CPNE8: variants seen among roughly 807,000 people sequenced by gnomAD.
CPNE8 encodes copine-8.
A neutral mutation model predicts 81.5 loss-of-function variants in CPNE8; 45 were observed. That is an observed-to-expected ratio of 0.55 (90% CI 0.44 to 0.71). CPNE8 has a LOEUF of 0.71. Ranked by LOEUF, CPNE8 falls within the 30% of genes least tolerant of loss-of-function variation. The pLI is 0.00. For missense variants in CPNE8, 594 were observed against 672.1 expected, an observed-to-expected ratio of 0.88 and a Z score of 1.28; for synonymous variants, 252 against 226.3, an observed-to-expected ratio of 1.11 and a Z score of -1.02.
At chr12:38,765,435 CATGAGT>C (rs556872151) in intron 8 of CPNE8, among the ~76,000 whole-genome samples, 29 of 152,196 alleles carry the variant, frequency 1.9e-4, no homozygotes, top group Non-Finnish European at 3.8e-4. Flanking sequence ...AAAGCAAGAA[CATGAGT>C]ATAAGATCAT....
intron 10 of CPNE8, among the ~76,000 whole-genome samples, chr12:38,740,086 G>T (rs1381380716): frequency 1.3e-5 from 2 of 152,160 alleles, no homozygotes; most frequent in East Asian, 3.8e-4. Context: ...ATCCCACTGT[G>T]AATTCATTTT....
Position 38,795,561 on chromosome 12 carries a change from C to T in CPNE8, c.408-19260G>A, listed in dbSNP as rs191297389. Among the ~76,000 whole-genome samples the T allele has an allele frequency of 7.0e-4, 106 of 152,066 alleles. 4 individuals carry two copies. The East Asian group carries it at 7.5e-3, about 11-fold the overall frequency. The stretch of plus-strand genomic sequence containing the variant: ...CGCAGTCTTTAAAAAGGCAGAAATC[C>T]CATAACATACTACAAGAATGAATCT... On this transcript the variant is annotated intron_variant, in intron 6 of 19. Transcript: ENST00000331366.
chr12:38,806,754 G>A (rs1300030188), intron 6 of CPNE8, among the ~76,000 whole-genome samples: 2 of 145,744 alleles, frequency 1.4e-5, no homozygotes, highest in African/African-American at 2.5e-5. Flanking sequence ...TCTGGCCAGG[G>A]CAATTAGGCA....
At chr12:38,694,701 A>G (rs564866539) in intron 14 of CPNE8, among the ~76,000 whole-genome samples, 1 of 152,218 alleles carries the variant, frequency 6.6e-6, no homozygotes, top group Admixed American at 6.5e-5. Context: ...ATTCACAACA[A>G]GTTGCCCTAA....
rs561363093 is a variant in CPNE8 at position 38,677,347 on chromosome 12, G to C, written c.1374+105C>G. 38 of 671,812 alleles carry C rather than the reference G, an allele frequency of 5.7e-5. No individual in the cohort carries two copies. In the South Asian group the frequency reaches 6.1e-4, roughly 11 times the overall value. 41.6% of individuals were successfully genotyped at this position (671,812 alleles called of 1,614,324 possible). A position where few individuals can be genotyped will look rare whatever the true frequency, so the allele number is the denominator to read the frequency against. On this transcript the variant is annotated intron_variant, in intron 17 of 19. Transcript: ENST00000331366. Reference sequence around the variant, plus strand: ...GTTAAGGATGCAATCTGCTGCAAAGGTGTGGTGATTTTATTTTATTGTTAA... The same window carrying C: ...GTTAAGGATGCAATCTGCTGCAAAGCTGTGGTGATTTTATTTTATTGTTAA...
At chr12:38,713,503 A>T (rs1417405454) in intron 13 of CPNE8, among the ~76,000 whole-genome samples, 1 of 152,184 alleles carries the variant, frequency 6.6e-6, no homozygotes, top group Non-Finnish European at 1.5e-5. Context: ...GGAGAGAGTA[A>T]GATCGCAAAT....
intron 3 of CPNE8, among the ~76,000 whole-genome samples, chr12:38,865,263 C>T (rs1397659031): frequency 6.6e-6 from 1 of 152,150 alleles, no homozygotes; most frequent in African/African-American, 2.4e-5. Flanking sequence ...ATGCATTCCC[C>T]CTATGGCTCA....
At chr12:38,680,853 C>T (rs1176189023) in intron 16 of CPNE8, among the ~76,000 whole-genome samples, 3 of 151,368 alleles carry the variant, frequency 2.0e-5, no homozygotes, top group East Asian at 1.9e-4. Context: ...AAGTTATTTC[C>T]TAAAAAATGA....
At chr12:38,828,849 C>T (rs1943240435) in intron 6 of CPNE8, among the ~76,000 whole-genome samples, 1 of 152,134 alleles carries the variant, frequency 6.6e-6, no homozygotes, top group Non-Finnish European at 1.5e-5. Context: ...ACAGAATCAA[C>T]TCATGCAATT....
chr12:38,763,506 G>C (rs1467032058), intron 8 of CPNE8, among the ~76,000 whole-genome samples: 2 of 152,138 alleles, frequency 1.3e-5, no homozygotes, highest in Non-Finnish European at 2.9e-5. Flanking sequence ...TTAGTGTGTG[G>C]GTTCTTTCTT....
At chr12:38,788,729 C>T (rs971686498) in intron 6 of CPNE8, among the ~76,000 whole-genome samples, 3 of 151,198 alleles carry the variant, frequency 2.0e-5, no homozygotes, top group East Asian at 1.9e-4. Context: ...AGATGCCACA[C>T]AAAAAAACTA....
intron 6 of CPNE8, among the ~76,000 whole-genome samples, chr12:38,809,926 A>G (rs1317631471): frequency 1.3e-5 from 2 of 152,184 alleles, no homozygotes; most frequent in Non-Finnish European, 2.9e-5. Flanking sequence ...ACAGGGAGGA[A>G]ATAAAAGGTA....
In CPNE8 at chr12:38,805,802, C is replaced by A. The variant is rs1406064680; in HGVS notation, c.407+23577G>T. ...AGACACAAAAAACCCTTCCAAAAAT[C>A]AATGAATCCAGGAGCTGGTTTTTTG... is the stretch of plus-strand genomic sequence containing the variant. On this transcript the variant is annotated intron_variant, in intron 6 of 19. Transcript: ENST00000331366. 1.0e-4 allele frequency among the ~76,000 whole-genome samples: 15 copies of A among 148,602 alleles called. 1 individual carries two copies. The highest frequency in any genetic ancestry group is 1.8e-4 in the Non-Finnish European group (12 of 66,944).
At chr12:38,753,311 G>T (rs1447832879) in intron 10 of CPNE8, among the ~76,000 whole-genome samples, 1 of 152,064 alleles carries the variant, frequency 6.6e-6, no homozygotes, top group Non-Finnish European at 1.5e-5. Flanking sequence ...AATTAGCCAG[G>T]CATGGTGGTA....
At chr12:38,799,614 C>T (rs1005505633) in intron 6 of CPNE8, among the ~76,000 whole-genome samples, 2 of 152,148 alleles carry the variant, frequency 1.3e-5, no homozygotes, top group South Asian at 2.1e-4. Flanking sequence ...AAAACTGACA[C>T]CCTAACATCA....
chr12:38,768,349 G>A (rs1352399178), intron 7 of CPNE8, among the ~76,000 whole-genome samples: 4 of 151,832 alleles, frequency 2.6e-5, no homozygotes, highest in African/African-American at 7.3e-5. Flanking sequence ...ATGTCAAATC[G>A]ATCATTTAAA....
At chr12:38,704,836 A>ATATATATATATATATATGTG (rs1940059575) in intron 13 of CPNE8, among the ~76,000 whole-genome samples, 3 of 43,646 alleles carry the variant, frequency 6.9e-5, no homozygotes, top group Non-Finnish European at 5.8e-5. Context: ...GTATATATAT[A>ATATATATATATATATATGTG]TATATATATA....
intron 13 of CPNE8, among the ~76,000 whole-genome samples, chr12:38,710,534 T>C (rs1940229423): frequency 6.6e-6 from 1 of 152,182 alleles, no homozygotes; most frequent in Non-Finnish European, 1.5e-5. Context: ...GACTTCTAAA[T>C]GTTAGAAATA....
chr12:38,688,456 TTAA>T (rs1476663533), intron 15 of CPNE8, among the ~76,000 whole-genome samples: 2 of 152,218 alleles, frequency 1.3e-5, no homozygotes, highest in African/African-American at 4.8e-5. Flanking sequence ...GATTTTCTTC[TTAA>T]TAAGAAAGTT....
Sources: allele counts gnomAD v4.1 joint callset (sites outside exome capture counted in the v4.1 genomes callset), GRCh38; gene constraint gnomAD v4.1.1; transcripts MANE v1.5; gene names NCBI Gene and HGNC (gene_info 2026-07-23, HGNC 2026-07-21).